The following CAB39L variants were observed in gnomAD, a reference collection of about 807,000 sequenced individuals.
CAB39L encodes the protein calcium binding protein 39 like.
A neutral mutation model predicts 39.1 loss-of-function variants in CAB39L; 23 were observed. The observed-to-expected ratio is 0.59, with a 90% CI of 0.42 to 0.83. The LOEUF is 0.83. Among genes scored for constraint, CAB39L ranks in the 40% least tolerant of loss-of-function variants. CAB39L has a pLI of 0.00. For synonymous variants in CAB39L, 126 were observed against 137.2 expected (o/e 0.92, Z 0.57); for missense variants, 366 against 391.9 (o/e 0.93, Z 0.56).
intron 3 of CAB39L, among the ~76,000 whole-genome samples, chr13:49,424,141 G>A (rs933431880): frequency 3.9e-5 from 6 of 152,186 alleles, no homozygotes; most frequent in South Asian, 2.1e-4. Context: ...GTTATAGATC[G>A]TGACTTCTTT....
At chr13:49,403,941 C>T (rs1427117153) in intron 3 of CAB39L, among the ~76,000 whole-genome samples, 1 of 152,082 alleles carries the variant, frequency 6.6e-6, no homozygotes, top group Admixed American at 6.6e-5. Flanking sequence ...TAAAAATGAA[C>T]AGAGAATCCC....
chr13:49,360,409 A>G (rs1171128081), intron 5 of CAB39L, among the ~76,000 whole-genome samples: 1 of 152,186 alleles, frequency 6.6e-6, no homozygotes, highest in African/African-American at 2.4e-5. Flanking sequence ...AACAAATCAC[A>G]TCTAGCCTAG....
intron 10 of CAB39L, among the ~76,000 whole-genome samples, chr13:49,328,137 T>A (rs1266700477): frequency 6.6e-6 from 1 of 152,204 alleles, no homozygotes; most frequent in Admixed American, 6.5e-5. Context: ...TAGAAATGGA[T>A]TTCAGAGTTG....
At chr13:49,343,670 A>G (rs1955066317) in intron 8 of CAB39L, among the ~76,000 whole-genome samples, 1 of 151,984 alleles carries the variant, frequency 6.6e-6, no homozygotes, top group Non-Finnish European at 1.5e-5. Context: ...AGAGAGAGAG[A>G]AAGAGAAAGG....
chr13:49,359,383 T>C (rs754730180), intron 6 of CAB39L, among the ~76,000 whole-genome samples: 4 of 151,834 alleles, frequency 2.6e-5, no homozygotes, highest in Non-Finnish European at 4.4e-5. Flanking sequence ...TTCAATCTCA[T>C]GCAAGCAGGA....
At chr13:49,346,112 T>G (rs1228324895) in intron 7 of CAB39L, among the ~76,000 whole-genome samples, 1 of 54,838 alleles carries the variant, frequency 1.8e-5, no homozygotes, top group Non-Finnish European at 3.6e-5. Context: ...TATATATATA[T>G]ATATATATAT....
intron 10 of CAB39L, among the ~76,000 whole-genome samples, chr13:49,325,464 A>C (rs1954470598): frequency 6.6e-6 from 1 of 152,196 alleles, no homozygotes; most frequent in South Asian, 2.1e-4. Context: ...GATTTGGTAC[A>C]CCATGACCAT....
chr13:49,336,232 A>G (rs1193267464), intron 9 of CAB39L, among the ~76,000 whole-genome samples: 1 of 152,134 alleles, frequency 6.6e-6, no homozygotes, highest in Non-Finnish European at 1.5e-5. Context: ...GAGTGATGCA[A>G]AACCATTTTG....
chr13:49,331,878 G>A, intron 10 of CAB39L, 69 bp downstream of exon 10: 1 of 1,407,858 alleles, frequency 7.1e-7, no homozygotes, highest in Non-Finnish European at 1.0e-6. Flanking sequence ...GTAAAGAGCA[G>A]GGAGTTTGCC....
At chr13:49,440,501 G>A (rs1957492128) in intron 1 of CAB39L, among the ~76,000 whole-genome samples, 1 of 151,818 alleles carries the variant, frequency 6.6e-6, no homozygotes, top group Admixed American at 6.6e-5. Context: ...GGTTACTGTA[G>A]CCTCAAAGTA....
intron 3 of CAB39L, among the ~76,000 whole-genome samples, chr13:49,398,464 C>A (rs1956688437): frequency 6.6e-6 from 1 of 151,858 alleles, no homozygotes; most frequent in Admixed American, 6.6e-5. Flanking sequence ...GAAAATTGTC[C>A]AAATCTACCT....
intron 3 of CAB39L, 52 bp downstream of exon 3, chr13:49,433,266 C>T (rs1957354935): frequency 4.9e-6 from 2 of 410,568 alleles, no homozygotes; most frequent in Non-Finnish European, 9.5e-6. Context: ...GCATAGTCTA[C>T]ACGTCTGTCG....
chr13:49,435,555 CA>C (rs1462350638), intron 1 of CAB39L, among the ~76,000 whole-genome samples: 2 of 152,146 alleles, frequency 1.3e-5, no homozygotes, highest in Admixed American at 6.5e-5. Flanking sequence ...GGCTGGAGTG[CA>C]GCGGCATGAT....
At chr13:49,341,101 G>T (rs970956621) in intron 8 of CAB39L, among the ~76,000 whole-genome samples, 1 of 152,100 alleles carries the variant, frequency 6.6e-6, no homozygotes, top group African/African-American at 2.4e-5. Context: ...ATTTATCCAC[G>T]TTATCTTAGC....
chr13:49,342,737 C>A (rs1311092819), intron 8 of CAB39L, among the ~76,000 whole-genome samples: 1 of 152,156 alleles, frequency 6.6e-6, no homozygotes, highest in Non-Finnish European at 1.5e-5. Flanking sequence ...CCATACGCGG[C>A]TACTGAGCAC....
At chr13:49,383,054 A>T (rs1664588092) in intron 3 of CAB39L, 113 bp from the exon 4 acceptor site, 1 of 449,568 alleles carries the variant, frequency 2.2e-6, no homozygotes, top group Admixed American at 4.1e-5. Context: ...CTGAAACATT[A>T]AAAGTGATCA....
At position 49,333,552 on chromosome 13, in the gene CAB39L, A is replaced by ATTTC. The variant is rs1325511943; in HGVS notation, c.691-1466_691-1463dup. On this transcript the variant is annotated intron_variant, in intron 9 of 10. Coordinates refer to ENST00000409308, the MANE Select transcript of CAB39L (RefSeq NM_001079670.3). ...CTTCTTTCCTAAACTCTAGACCCAC[A>ATTTC]TTTCTTTCTTTCTTTCTTTTTTTTT... 2.0e-3 allele frequency among the ~76,000 whole-genome samples: 264 copies of ATTTC among 134,480 alleles called. 1 individual carries two copies. The highest frequency in any genetic ancestry group is 3.9e-3 in the Middle Eastern group (1 of 256). 88.2% of individuals were successfully genotyped at this position (134,480 alleles called of 152,430 possible).
intron 5 of CAB39L, among the ~76,000 whole-genome samples, chr13:49,368,337 G>C (rs762129775): frequency 2.0e-5 from 3 of 152,180 alleles, no homozygotes; most frequent in Non-Finnish European, 4.4e-5. Context: ...CCAAAACAGA[G>C]GAAAGGATTA....
At chr13:49,398,471 AC>A (rs1407093799) in intron 3 of CAB39L, among the ~76,000 whole-genome samples, 1 of 152,084 alleles carries the variant, frequency 6.6e-6, no homozygotes, top group African/African-American at 2.4e-5. Context: ...GTCCAAATCT[AC>A]CTGTATCCAT....
Sources: gnomAD v4.1 joint callset for allele counts (sites outside exome capture counted in the v4.1 genomes callset) on GRCh38, gnomAD v4.1.1 for gene constraint, MANE v1.5 for transcripts, NCBI Gene and HGNC (gene_info 2026-07-23, HGNC 2026-07-21) for gene names.